The following VPS35L variants were observed in gnomAD, a reference collection of about 807,000 sequenced individuals.
VPS35L encodes VPS35 endosomal protein sorting factor like.
Under a neutral mutation model 133.0 loss-of-function variants are expected in VPS35L, and 83 were observed. The observed-to-expected ratio is 0.62, with a 90% confidence interval of 0.52 to 0.75. VPS35L has a LOEUF of 0.75. Among genes scored for constraint, VPS35L ranks in the 30% least tolerant of loss-of-function variants. The pLI, the probability that VPS35L is intolerant of heterozygous loss-of-function variation, is 0.00. For synonymous variants in VPS35L, 423 were observed against 449.9 expected, an observed-to-expected ratio of 0.94 and a Z score of 0.76; for missense variants, 1,083 against 1,206.8, an observed-to-expected ratio of 0.90 and a Z score of 1.52.
At chr16:19,660,005 A>C (rs1040579077) in intron 26 of VPS35L, among the ~76,000 whole-genome samples, 1 of 152,166 alleles carries the variant, frequency 6.6e-6, no homozygotes, top group Non-Finnish European at 1.5e-5. Flanking sequence ...GGGAGTCTTC[A>C]ACCCTTGGAA....
intron 9 of VPS35L, among the ~76,000 whole-genome samples, chr16:19,605,285 A>G (rs1325920171): frequency 6.6e-6 from 1 of 152,210 alleles, no homozygotes; most frequent in East Asian, 1.9e-4. Flanking sequence ...AATAAGTGGG[A>G]GCTAGAAAAA....
intron 7 of VPS35L, among the ~76,000 whole-genome samples, chr16:19,589,135 G>C (rs754125532): frequency 6.6e-6 from 1 of 151,856 alleles, no homozygotes; most frequent in Non-Finnish European, 1.5e-5. Flanking sequence ...TGTGTTTTTC[G>C]TACTGAGTTT....
chr16:19,680,854 CTGTGAT>C (rs1303628181), intron 27 of VPS35L, among the ~76,000 whole-genome samples: 1 of 151,822 alleles, frequency 6.6e-6, no homozygotes, highest in Non-Finnish European at 1.5e-5. Flanking sequence ...CTCCAGCGAG[CTGTGAT>C]TGTGCCACTG....
chr16:19,652,307 G>C (rs1164901562), intron 26 of VPS35L: 1 of 507,152 alleles, frequency 2.0e-6, no homozygotes, highest in African/African-American at 1.9e-5. Context: ...GGGACTGCAG[G>C]CGCACACCAC....
At position 19,636,098 on chromosome 16, in the gene VPS35L, AT is replaced by A. The variant is rs555447100; in HGVS notation, c.1636-1494del. Among the ~76,000 whole-genome samples the A allele has an allele frequency of 4.0e-3, 615 of 152,306 alleles. 1 individual carries two copies. The highest frequency in any genetic ancestry group is 6.7e-3 in the Non-Finnish European group (457 of 68,016). On this transcript the variant is annotated intron_variant, in intron 19 of 30. Transcript: ENST00000417362. ...CTACCCTGGAGGCTAAGGCAGGAGG[AT>A]TGCTTGAGCCCAGGAGGTCAAGGCT...
intron 27 of VPS35L, among the ~76,000 whole-genome samples, chr16:19,674,798 C>G (rs1975006202): frequency 6.6e-6 from 1 of 152,046 alleles, no homozygotes; most frequent in African/African-American, 2.4e-5. Context: ...TATATGTGGA[C>G]TCATGCAATA....
intron 26 of VPS35L, among the ~76,000 whole-genome samples, chr16:19,653,285 G>T (rs933309124): frequency 1.3e-5 from 2 of 152,188 alleles, no homozygotes; most frequent in Admixed American, 6.5e-5. Context: ...GGGCCTGCAG[G>T]CAGGTTAGCA....
rs371513169 is a variant in VPS35L, at chr16:19,632,329, TTTTAAG to T, written c.1555-758_1555-753del. On this transcript the variant is annotated intron_variant, in intron 18 of 30. Coordinates refer to ENST00000417362, the MANE Select transcript of VPS35L (RefSeq NM_020314.7). The stretch of plus-strand genomic sequence containing the variant: ...CTGATTTCCCCAATTGTCTCATTTT[TTTTAAG>T]TTTATTTGTTGAAATCTGGTTGAAA... Among the ~76,000 whole-genome samples, 211 of 152,340 alleles carry T rather than the reference TTTTAAG, an allele frequency of 1.4e-3. 1 individual carries two copies. In the Middle Eastern group the frequency reaches 0.027, roughly 20 times the overall value.
At chr16:19,669,673 CT>C (rs201351902) in intron 27 of VPS35L, among the ~76,000 whole-genome samples, 45,439 of 145,358 alleles carry the variant, frequency 0.31, 7,160 homozygotes, top group Non-Finnish European at 0.34. Context: ...TTCTGTCTCT[CT>C]TTTTTTTTTT....
rs967295718 is a variant in VPS35L, at chr16:19,634,419, A to G, written c.1635+1247A>G. On this transcript the variant is annotated intron_variant, in intron 19 of 30. Transcript: ENST00000417362. ...CGGGTGAGAGAGAGACACGGTCTCA[A>G]AAAAAAAAAAAAAAAACCCACTAAT... 5.4e-4 allele frequency among the ~76,000 whole-genome samples: 30 copies of G among 55,432 alleles called. No individual in the cohort carries two copies. The South Asian group carries it at 0.013, about 24-fold the overall frequency. 36.4% of individuals were successfully genotyped at this position (55,432 alleles called of 152,430 possible).
At position 19,581,673 on chromosome 16, in the gene VPS35L, C is replaced by CT. The variant is rs397740189; in HGVS notation, c.639+20_639+21insT. 6.2e-5 allele frequency: 99 copies of CT among 1,605,514 alleles called. No individual in the cohort carries two copies. The Middle Eastern group carries it at 3.5e-3, about 56-fold the overall frequency. ...ATCCAGGTTAGCTCTAGTGATCCCC[C>CT]ACCCCCACCCAGAATTTCCTATGTA... On this transcript the variant is annotated intron_variant, in intron 7 of 30. Coordinates refer to ENST00000417362, the MANE Select transcript of VPS35L (RefSeq NM_020314.7).
At chr16:19,608,704 T>G (rs1972614867) in intron 10 of VPS35L, 1 of 452,662 alleles carries the variant, frequency 2.2e-6, no homozygotes, top group Admixed American at 3.8e-5. Flanking sequence ...CCATAAAGCA[T>G]TGATTAGAAA....
At chr16:19,602,819 G>T (rs1286381483) in intron 9 of VPS35L, among the ~76,000 whole-genome samples, 1 of 151,986 alleles carries the variant, frequency 6.6e-6, no homozygotes, top group Non-Finnish European at 1.5e-5. Context: ...GGCCAGGCTG[G>T]TCTCAAACTC....
chr16:19,645,976 T>TG (rs1208249548), intron 23 of VPS35L, among the ~76,000 whole-genome samples: 36 of 152,138 alleles, frequency 2.4e-4, no homozygotes, highest in South Asian at 4.2e-4. Context: ...CTGTTTTTTT[T>TG]GGGGGGGTCG....
intron 26 of VPS35L, among the ~76,000 whole-genome samples, chr16:19,664,352 C>T (rs754626820): frequency 5.3e-5 from 8 of 151,936 alleles, no homozygotes; most frequent in Non-Finnish European, 1.2e-4. Context: ...TGTGTTTGCT[C>T]TCTGCCCAGC....
At chr16:19,686,956 G>T (rs1428518051) in intron 28 of VPS35L, among the ~76,000 whole-genome samples, 1 of 152,076 alleles carries the variant, frequency 6.6e-6, no homozygotes, top group East Asian at 1.9e-4. Context: ...AGCCAAGATC[G>T]TGCCACTGAA....
intron 26 of VPS35L, among the ~76,000 whole-genome samples, chr16:19,665,505 A>G (rs925420655): frequency 3.9e-5 from 6 of 152,206 alleles, no homozygotes; most frequent in Admixed American, 1.3e-4. Context: ...GTTGCAAATG[A>G]CAGAATCTCC....
At chr16:19,562,631 G>A (rs12927012) in intron 1 of VPS35L, among the ~76,000 whole-genome samples, 54,661 of 151,992 alleles carry the variant, frequency 0.36, 11,194 homozygotes, top group African/African-American at 0.55. Context: ...AGTTAAAAAA[G>A]ATTTTAAACC....
intron 27 of VPS35L, among the ~76,000 whole-genome samples, 155 bp from the exon 28 acceptor site, chr16:19,682,070 C>G (rs1329943939): frequency 6.6e-6 from 1 of 152,170 alleles, no homozygotes; most frequent in Non-Finnish European, 1.5e-5. Flanking sequence ...TATTGTTTAA[C>G]CAGGCTTGTG....
Sources: gnomAD v4.1 joint callset for allele counts (sites outside exome capture counted in the v4.1 genomes callset) on GRCh38, gnomAD v4.1.1 for gene constraint, MANE v1.5 for transcripts, NCBI Gene and HGNC (gene_info 2026-07-23, HGNC 2026-07-21) for gene names.